Variants in CAMTA1 observed in about 807,000 individuals in gnomAD.
CAMTA1 encodes the protein calmodulin binding transcription activator 1, also known as calmodulin-binding transcription activator 1.
A neutral mutation model predicts 170.9 loss-of-function variants in CAMTA1; 27 were observed. The observed-to-expected ratio is 0.16, with a 90% CI of 0.12 to 0.22. The LOEUF (loss-of-function observed/expected upper bound fraction) is 0.22, where lower values mean the gene tolerates loss of function less well. Ranked by LOEUF, CAMTA1 falls within the 10% of genes least tolerant of loss-of-function variation. The pLI is 1.00. For synonymous variants in CAMTA1, 833 were observed against 891.5 expected, an observed-to-expected ratio of 0.93 and a Z score of 1.17; for missense variants, 1,619 against 2,217.2, an observed-to-expected ratio of 0.73 and a Z score of 5.42.
intron 1 of CAMTA1, among the ~76,000 whole-genome samples, chr1:6,808,325 C>T: frequency 6.6e-6 from 1 of 152,076 alleles, no homozygotes; most frequent in East Asian, 1.9e-4. Context: ...CCAGCTTCCT[C>T]TCTACAGTCA....
intron 3 of CAMTA1, among the ~76,000 whole-genome samples, chr1:6,992,830 G>A (rs1696612578): frequency 6.6e-6 from 1 of 152,196 alleles, no homozygotes; most frequent in Admixed American, 6.5e-5. Flanking sequence ...TGCAACACTG[G>A]GGATTACAAT....
chr1:7,134,973 G>T (rs951960889), intron 4 of CAMTA1, among the ~76,000 whole-genome samples: 1 of 152,070 alleles, frequency 6.6e-6, no homozygotes, highest in African/African-American at 2.4e-5. Flanking sequence ...CTTCTCAAAA[G>T]AAAACATACA....
At chr1:7,764,970 A>G (rs1321942811) in intron 22 of CAMTA1, among the ~76,000 whole-genome samples, 1 of 152,168 alleles carries the variant, frequency 6.6e-6, no homozygotes, top group Non-Finnish European at 1.5e-5. Context: ...AAAAAAAAAA[A>G]AAAGTTTTAC....
At chr1:6,872,222 C>G (rs1231788941) in intron 3 of CAMTA1, among the ~76,000 whole-genome samples, 3 of 145,540 alleles carry the variant, frequency 2.1e-5, no homozygotes, top group Non-Finnish European at 3.0e-5. Context: ...ATCACACATA[C>G]ACCCTCACCA....
At chr1:7,522,257 G>T (rs1352029623) in intron 6 of CAMTA1, among the ~76,000 whole-genome samples, 2 of 152,166 alleles carry the variant, frequency 1.3e-5, no homozygotes, top group Admixed American at 1.3e-4. Flanking sequence ...GTGATGTTAA[G>T]CATCTTTCAG....
At chr1:7,653,977 G>T (rs950961674) in intron 7 of CAMTA1, among the ~76,000 whole-genome samples, 2 of 152,262 alleles carry the variant, frequency 1.3e-5, no homozygotes, top group Non-Finnish European at 2.9e-5. Context: ...TAGGACACAG[G>T]TGCTGGGCCC....
chr1:6,891,666 C>CA (rs1209397952), intron 3 of CAMTA1, among the ~76,000 whole-genome samples: 4 of 151,976 alleles, frequency 2.6e-5, no homozygotes, highest in Non-Finnish European at 5.9e-5. Context: ...CCTGCATCTT[C>CA]AAAAAACAAA....
Position 7,566,288 on chromosome 1 carries a change from G to A in CAMTA1, c.511-74112G>A, listed in dbSNP as rs116320463. Among the ~76,000 whole-genome samples the A allele has an allele frequency of 3.9e-3, 591 of 152,248 alleles. 4 individuals are homozygous for A. Among genetic ancestry groups the A allele is most frequent in the African/African-American group, 0.013 (553 of 41,518 alleles). On this transcript the variant is annotated intron_variant, in intron 6 of 22. Transcript: ENST00000303635. ...CATTTATAAATGGCAAAGAGCCATC[G>A]ACCCTGTCTCTGGAGGATGTTGGGA...
intron 5 of CAMTA1, among the ~76,000 whole-genome samples, chr1:7,282,460 G>C (rs1447914092): frequency 6.6e-6 from 1 of 152,206 alleles, no homozygotes; most frequent in East Asian, 1.9e-4. Flanking sequence ...GCGACTGCCA[G>C]TTTACTCAAC....
chr1:7,451,605 G>GCCTA (rs1380977184), intron 5 of CAMTA1, among the ~76,000 whole-genome samples: 1 of 152,134 alleles, frequency 6.6e-6, no homozygotes, highest in African/African-American at 2.4e-5. Context: ...GGAACTTGAA[G>GCCTA]CCTAGCCTCT....
In CAMTA1 at chr1:7,007,480, C is replaced by T. The variant is rs1338736419; in HGVS notation, c.235-83824C>T. 1.3e-5 allele frequency among the ~76,000 whole-genome samples: 2 copies of T among 152,280 alleles called. No homozygotes were observed. Among genetic ancestry groups the T allele is most frequent in the African/African-American group, 4.8e-5 (2 of 41,556 alleles). On this transcript the variant is annotated intron_variant, in intron 3 of 22. Coordinates refer to ENST00000303635, the MANE Select transcript of CAMTA1 (RefSeq NM_015215.4). The surrounding 1 kb of genome is among the most constrained non-coding windows in gnomAD (Gnocchi z 4.5). The stretch of plus-strand genomic sequence containing the variant: ...CTTCCCTCGCCTCGAGAACCCCAAG[C>T]GAATTCCCACTTCCCACAGGAAGTA...
intron 5 of CAMTA1, among the ~76,000 whole-genome samples, chr1:7,350,320 CAG>C (rs754388466): frequency 9.9e-5 from 15 of 152,204 alleles, no homozygotes; most frequent in Non-Finnish European, 1.8e-4. Flanking sequence ...TGTTGTTTTG[CAG>C]AGAGTCCTCC....
chr1:7,764,503 C>A (rs184147687), intron 22 of CAMTA1, among the ~76,000 whole-genome samples: 1 of 152,180 alleles, frequency 6.6e-6, no homozygotes. Flanking sequence ...ATCAACTTTG[C>A]AGAATACTCA....
chr1:7,448,432 T>C (rs2092733030), intron 5 of CAMTA1, among the ~76,000 whole-genome samples: 1 of 152,192 alleles, frequency 6.6e-6, no homozygotes, highest in African/African-American at 2.4e-5. Context: ...AGCTGAGGCC[T>C]CTGTGGAGGC....
chr1:7,625,768 G>C (rs1244001577), intron 6 of CAMTA1, among the ~76,000 whole-genome samples: 2 of 152,228 alleles, frequency 1.3e-5, no homozygotes, highest in Non-Finnish European at 2.9e-5. Context: ...ACTGGTCTGG[G>C]GGACCAGTTG....
At position 7,664,885 on chromosome 1, in the gene CAMTA1, T is replaced by G. The variant is rs377269648; in HGVS notation, c.2338T>G (p.Phe780Val). The change falls in exon 9 of 23, where the codon TTC becomes GTC. Residue 780 changes from phenylalanine to valine, a missense_variant. Coordinates refer to ENST00000303635, the MANE Select transcript of CAMTA1 (RefSeq NM_015215.4). Reference protein sequence around the residue: ...SNQFSDLINDFISVEGGSSTI... With the variant: ...SNQFSDLINDVISVEGGSSTI... ...CCAGTTCTCCGACCTGATCAACGAC[T>G]TCATCTCCGTGGAGGGGGGCAGCAG... The G allele has an allele frequency of 4.3e-5, 69 of 1,613,150 alleles. No individual in the cohort carries two copies. Among genetic ancestry groups the G allele is most frequent in the Non-Finnish European group, 5.8e-5 (68 of 1,180,002 alleles).
intron 6 of CAMTA1, among the ~76,000 whole-genome samples, chr1:7,537,157 A>C (rs2094558891): frequency 6.6e-6 from 1 of 152,174 alleles, no homozygotes; most frequent in Admixed American, 6.5e-5. Flanking sequence ...GCTCGCAGGC[A>C]TGTGGCCTAA....
At chr1:6,854,118 A>T (rs935882645) in intron 3 of CAMTA1, among the ~76,000 whole-genome samples, 1 of 152,202 alleles carries the variant, frequency 6.6e-6, no homozygotes, top group African/African-American at 2.4e-5. Context: ...CTTCATAACG[A>T]TGTTTCAGTC....
intron 7 of CAMTA1, among the ~76,000 whole-genome samples, chr1:7,651,241 G>A (rs570486978): frequency 5.3e-5 from 8 of 152,302 alleles, no homozygotes; most frequent in East Asian, 1.9e-4. Flanking sequence ...TGGACTGGAC[G>A]AGCCCAGATG....
Sources: allele counts gnomAD v4.1 joint callset (sites outside exome capture counted in the v4.1 genomes callset), GRCh38; gene constraint gnomAD v4.1.1; non-coding constraint Gnocchi (gnomAD v3.1); transcripts MANE v1.5; gene names NCBI Gene and HGNC (gene_info 2026-07-23, HGNC 2026-07-21).